SH3RF3: variants seen among roughly 807,000 people sequenced by gnomAD.
SH3RF3 encodes the protein E3 ubiquitin-protein ligase SH3RF3.
Under a neutral mutation model 66.3 loss-of-function variants are expected in SH3RF3, and 29 were observed. That is an observed-to-expected ratio of 0.44 (90% confidence interval 0.33 to 0.60). SH3RF3 has a LOEUF of 0.60. Ranked by LOEUF, SH3RF3 falls within the 20% of genes least tolerant of loss-of-function variation. The pLI is 0.04. For missense variants in SH3RF3, 1,194 were observed against 1,190.9 expected, an observed-to-expected ratio of 1.00 and a Z score of -0.04; for synonymous variants, 583 against 532.0, an observed-to-expected ratio of 1.10 and a Z score of -1.32.
At chr2:109,318,549 C>T (rs1182122008) in intron 1 of SH3RF3, among the ~76,000 whole-genome samples, 1 of 152,184 alleles carries the variant, frequency 6.6e-6, no homozygotes, top group Non-Finnish European at 1.5e-5. Flanking sequence ...TGTGGTTTGT[C>T]CTTGCGGGTG....
At chr2:109,495,932 ATGCTAT>A (rs1157899472) in intron 9 of SH3RF3, among the ~76,000 whole-genome samples, 2 of 152,208 alleles carry the variant, frequency 1.3e-5, no homozygotes, top group Non-Finnish European at 2.9e-5. Flanking sequence ...ATAATAATAT[ATGCTAT>A]TGTGTCCAGA....
chr2:109,499,011 T>C (rs1161942044), intron 9 of SH3RF3, among the ~76,000 whole-genome samples: 1 of 152,104 alleles, frequency 6.6e-6, no homozygotes, highest in Non-Finnish European at 1.5e-5. Flanking sequence ...GTTTAGACTG[T>C]GGCCCCTCCT....
At position 109,397,010 on chromosome 2, in the gene SH3RF3, G is replaced by A. The variant is rs184976387; in HGVS notation, c.946-1580G>A. The stretch of plus-strand genomic sequence containing the variant: ...GAAGGCTTCAGAATGCCCCCCGGTG[G>A]CCTACCTGCAGTTTTCGGAAAGCCC... On this transcript the variant is annotated intron_variant, in intron 3 of 9. Transcript: ENST00000309415. Among the ~76,000 whole-genome samples the A allele has an allele frequency of 7.0e-4, 107 of 152,300 alleles. 1 individual carries two copies. The highest frequency in any genetic ancestry group is 1.0e-3 in the Admixed American group (16 of 15,298).
chr2:109,200,037 C>T (rs1678631454), intron 1 of SH3RF3, among the ~76,000 whole-genome samples: 1 of 151,908 alleles, frequency 6.6e-6, no homozygotes, highest in Non-Finnish European at 1.5e-5. Context: ...CATGGGACAG[C>T]CCCCCACAGA....
At chr2:109,415,709 G>A (rs1158278724) in intron 4 of SH3RF3, among the ~76,000 whole-genome samples, 2 of 152,120 alleles carry the variant, frequency 1.3e-5, no homozygotes, top group Non-Finnish European at 2.9e-5. Flanking sequence ...ATCCCGTGGG[G>A]ATACTGCCCC....
intron 1 of SH3RF3, among the ~76,000 whole-genome samples, chr2:109,179,201 A>G (rs577589437): frequency 9.9e-5 from 15 of 152,282 alleles, no homozygotes; most frequent in Non-Finnish European, 2.2e-4. Flanking sequence ...GGAAATTGAG[A>G]TAATCAAAAT....
intron 1 of SH3RF3, among the ~76,000 whole-genome samples, chr2:109,166,191 G>T (rs1291034343): frequency 3.9e-5 from 6 of 152,046 alleles, no homozygotes; most frequent in Non-Finnish European, 8.8e-5. Context: ...TCAAAGGAAA[G>T]ATGCAGGCCA....
At chr2:109,222,094 C>T (rs1008823651) in intron 1 of SH3RF3, among the ~76,000 whole-genome samples, 1 of 152,022 alleles carries the variant, frequency 6.6e-6, no homozygotes, top group Non-Finnish European at 1.5e-5. Flanking sequence ...ACAAGCCAGG[C>T]ACAGAAAGGC....
chr2:109,173,997 G>A (rs1208855001), intron 1 of SH3RF3, among the ~76,000 whole-genome samples: 1 of 152,248 alleles, frequency 6.6e-6, no homozygotes, highest in Non-Finnish European at 1.5e-5. Context: ...ATTGGTGGCG[G>A]AAAGCACTGG....
intron 1 of SH3RF3, among the ~76,000 whole-genome samples, chr2:109,334,476 G>A (rs1189700732): frequency 2.6e-5 from 4 of 152,024 alleles, no homozygotes; most frequent in South Asian, 2.1e-4. Flanking sequence ...AGAACCCTGC[G>A]GACTTTCCTC....
intron 4 of SH3RF3, among the ~76,000 whole-genome samples, chr2:109,418,413 G>A (rs1676781219): frequency 6.6e-6 from 1 of 152,194 alleles, no homozygotes; most frequent in Non-Finnish European, 1.5e-5. Context: ...GGTGTGGACA[G>A]GTTTGGTTCC....
intron 3 of SH3RF3, among the ~76,000 whole-genome samples, chr2:109,380,720 C>T (rs1198722879): frequency 1.3e-5 from 2 of 152,206 alleles, no homozygotes; most frequent in Admixed American, 6.5e-5. Context: ...GAGCCTTGTG[C>T]CATAGTTCCT....
intron 1 of SH3RF3, among the ~76,000 whole-genome samples, chr2:109,145,672 T>C (rs1192569326): frequency 1.3e-5 from 2 of 152,218 alleles, no homozygotes; most frequent in African/African-American, 4.8e-5. Flanking sequence ...TTCTAGAATT[T>C]ATCTTCTGGT....
At chr2:109,143,815 C>CAT (rs1677026062) in intron 1 of SH3RF3, among the ~76,000 whole-genome samples, 1 of 151,510 alleles carries the variant, frequency 6.6e-6, no homozygotes, top group Non-Finnish European at 1.5e-5. Context: ...TGTATACACA[C>CAT]ACACACACAC....
At chr2:109,229,536 G>A (rs1028833692) in intron 1 of SH3RF3, among the ~76,000 whole-genome samples, 10 of 152,112 alleles carry the variant, frequency 6.6e-5, no homozygotes, top group Admixed American at 4.6e-4. Context: ...AGCCCGATAC[G>A]GGAGGGATTT....
intron 9 of SH3RF3, among the ~76,000 whole-genome samples, 176 bp downstream of exon 9, chr2:109,491,112 G>T (rs546092066): frequency 6.6e-6 from 1 of 152,220 alleles, no homozygotes; most frequent in African/African-American, 2.4e-5. Context: ...GATGAAACGA[G>T]TCTGGGAACT....
At chr2:109,292,361 C>T (rs1013912395) in intron 1 of SH3RF3, among the ~76,000 whole-genome samples, 1 of 152,160 alleles carries the variant, frequency 6.6e-6, no homozygotes, top group Non-Finnish European at 1.5e-5. Context: ...TGGCTGGGAT[C>T]ATATAAACAT....
intron 1 of SH3RF3, among the ~76,000 whole-genome samples, chr2:109,153,781 C>A (rs1677274508): frequency 6.6e-6 from 1 of 152,180 alleles, no homozygotes; most frequent in Non-Finnish European, 1.5e-5. Context: ...TTAACCACCC[C>A]CCGACCCCCG....
Position 109,129,872 on chromosome 2 carries a change from A to G in SH3RF3, c.332A>G (p.Asn111Ser), listed in dbSNP as rs1676643690. The G allele has an allele frequency of 6.6e-7, 1 of 1,523,792 alleles. No homozygotes were observed. The highest frequency in any genetic ancestry group is 8.8e-7 in the Non-Finnish European group (1 of 1,140,774). The allele number at this position is 1,523,792 out of a possible 1,614,324, so 94.4% of individuals were successfully genotyped here. A position where few individuals can be genotyped will look rare whatever the true frequency, so the allele number is the denominator to read the frequency against. The change falls in exon 1 of 10, where the codon AAC becomes AGC. Residue 111 changes from asparagine (N) to serine (S), a missense_variant. By Grantham distance (46) the Asn-to-Ser change is conservative (BLOSUM62 1). Transcript: ENST00000309415. ...TGCGGCGTGGACGAACTGCCCGCCAACATCTTGCTGGTGCGACTGCTGGAC... is the reference window on the plus strand; with the variant it reads ...TGCGGCGTGGACGAACTGCCCGCCAGCATCTTGCTGGTGCGACTGCTGGAC... ...VGCGVDELPA[N>S]ILLVRLLDGI...
Sources: allele counts gnomAD v4.1 joint callset (sites outside exome capture counted in the v4.1 genomes callset), GRCh38; gene constraint gnomAD v4.1.1; transcripts MANE v1.5; gene names NCBI Gene and HGNC (gene_info 2026-07-23, HGNC 2026-07-21).